Variants in ATP2B1 observed in about 807,000 individuals in gnomAD.
The protein encoded by ATP2B1 is ATPase plasma membrane Ca2+ transporting 1, also known as plasma membrane calcium-transporting ATPase 1.
Under a neutral mutation model 124.2 loss-of-function variants are expected in ATP2B1, and 14 were observed. The observed-to-expected ratio is 0.11, with a 90% confidence interval of 0.07 to 0.18. The LOEUF (loss-of-function observed/expected upper bound fraction) is 0.18, where lower values mean the gene tolerates loss of function less well. ATP2B1 is among the 10% of genes least tolerant of loss of function. The pLI, the probability that ATP2B1 is intolerant of heterozygous loss-of-function variation, is 1.00. For missense variants in ATP2B1, 763 were observed against 1,466.1 expected (o/e 0.52, Z 7.83); for synonymous variants, 449 against 492.4 (o/e 0.91, Z 1.17).
intron 20 of ATP2B1, among the ~76,000 whole-genome samples, chr12:89,592,344 T>C (rs1441985595): frequency 6.6e-6 from 1 of 152,118 alleles, no homozygotes; most frequent in Non-Finnish European, 1.5e-5. Context: ...TTACTCATTG[T>C]TAAGAGAAAT....
At chr12:89,655,607 C>T in intron 2 of ATP2B1, 72 bp downstream of exon 2, 1 of 1,388,412 alleles carries the variant, frequency 7.2e-7, no homozygotes, top group Non-Finnish European at 1.0e-6. Flanking sequence ...ATAATATAAG[C>T]ATGCTCATTT....
At chr12:89,700,460 A>G (rs1394460790) in intron 1 of ATP2B1, among the ~76,000 whole-genome samples, 1 of 152,220 alleles carries the variant, frequency 6.6e-6, no homozygotes, top group Admixed American at 6.5e-5. Flanking sequence ...GAGTAGTTAT[A>G]GCACTTACTT....
intron 1 of ATP2B1, among the ~76,000 whole-genome samples, chr12:89,658,687 G>C (rs1886315054): frequency 6.7e-6 from 1 of 148,742 alleles, no homozygotes; most frequent in Non-Finnish European, 1.5e-5. Context: ...GACATCAATT[G>C]AGCCCCTGGG....
intron 1 of ATP2B1, among the ~76,000 whole-genome samples, chr12:89,657,797 G>A (rs939372134): frequency 6.6e-6 from 1 of 152,186 alleles, no homozygotes; most frequent in South Asian, 2.1e-4. Flanking sequence ...TGACTGAACT[G>A]GAGAATGGGC....
chr12:89,606,200 G>A (rs1179704813), intron 15 of ATP2B1, among the ~76,000 whole-genome samples: 7 of 152,216 alleles, frequency 4.6e-5, no homozygotes, highest in East Asian at 3.9e-4. Flanking sequence ...AGGTATATGC[G>A]GTGAATGTGG....
chr12:89,607,837 C>T (rs951453305), intron 15 of ATP2B1, among the ~76,000 whole-genome samples: 2 of 151,892 alleles, frequency 1.3e-5, no homozygotes, highest in African/African-American at 2.4e-5. Context: ...TTTTTTGTCC[C>T]GAATATTTGC....
At chr12:89,619,579 C>G (rs1879606775) in intron 11 of ATP2B1, among the ~76,000 whole-genome samples, 1 of 149,484 alleles carries the variant, frequency 6.7e-6, no homozygotes, top group African/African-American at 2.5e-5. Flanking sequence ...CCACTGCACT[C>G]CAGCCTGGGT....
intron 1 of ATP2B1, among the ~76,000 whole-genome samples, chr12:89,688,391 C>G (rs1173828668): frequency 1.3e-5 from 2 of 152,084 alleles, no homozygotes; most frequent in African/African-American, 4.8e-5. Flanking sequence ...TTATAAACTG[C>G]TGAATAGGGG....
At chr12:89,679,307 C>A (rs1889057974) in intron 1 of ATP2B1, among the ~76,000 whole-genome samples, 1 of 152,038 alleles carries the variant, frequency 6.6e-6, no homozygotes, top group Non-Finnish European at 1.5e-5. Context: ...AATATCTGAC[C>A]CTTTACAAAA....
At chr12:89,639,541 A>G (rs1336499665) in intron 3 of ATP2B1, among the ~76,000 whole-genome samples, 2 of 150,184 alleles carry the variant, frequency 1.3e-5, no homozygotes, top group Non-Finnish European at 3.0e-5. Flanking sequence ...TTTTATATAT[A>G]TATCTGTCTC....
chr12:89,667,369 CT>C (rs1457271605), intron 1 of ATP2B1, among the ~76,000 whole-genome samples: 2 of 152,158 alleles, frequency 1.3e-5, no homozygotes, highest in Admixed American at 6.5e-5. Flanking sequence ...CATTTACCCC[CT>C]TTTAAAATCT....
chr12:89,680,759 A>G (rs1889240490), intron 1 of ATP2B1, among the ~76,000 whole-genome samples: 2 of 152,270 alleles, frequency 1.3e-5, no homozygotes, highest in African/African-American at 2.4e-5. Flanking sequence ...GGAAAACTGG[A>G]CCTAGAACAA....
chr12:89,609,396 A>C (rs1000278566), intron 15 of ATP2B1, among the ~76,000 whole-genome samples: 1 of 152,246 alleles, frequency 6.6e-6, no homozygotes, highest in Non-Finnish European at 1.5e-5. Flanking sequence ...AATTGTGATT[A>C]TGAACCAGTA....
intron 1 of ATP2B1, among the ~76,000 whole-genome samples, chr12:89,687,376 A>G (rs1454272964): frequency 2.6e-5 from 4 of 152,166 alleles, no homozygotes; most frequent in African/African-American, 7.2e-5. Context: ...GCAGTAGGCT[A>G]TACCATCTAG....
Position 89,603,144 on chromosome 12 carries a change from C to T in ATP2B1, c.2959G>A (p.Glu987Lys), listed in dbSNP as rs1876205424. The T allele has an allele frequency of 1.9e-6, 3 of 1,613,732 alleles. No individual in the cohort carries two copies. The highest frequency in any genetic ancestry group is 1.7e-6 in the Non-Finnish European group (2 of 1,179,904). Residue 987 changes from glutamate (E) to lysine (K), a missense_variant, in exon 18 of 21, where the codon GAA (glutamate) becomes AAA (lysine). By Grantham distance (56) the Glu-to-Lys change is moderately conservative (BLOSUM62 1). Coordinates refer to ENST00000428670, the MANE Select transcript of ATP2B1 (RefSeq NM_001366521.1). This position sits in a 1 kb window ranked among gnomAD's most constrained non-coding sequence, Gnocchi z 4.3. ...CCATGAATTTTCCGGGCATTTATTT[C>T]GTTGAAAAGTTGCATCAGCACAAAG... ...NTFVLMQLFNEINARKIHGER... is the reference protein window; with the variant it reads ...NTFVLMQLFNKINARKIHGER...
At chr12:89,671,788 T>TTA (rs55679415) in intron 1 of ATP2B1, among the ~76,000 whole-genome samples, 2,624 of 150,910 alleles carry the variant, frequency 0.017, 36 homozygotes, top group Non-Finnish European at 0.027. Flanking sequence ...TTTTTTTTTT[T>TTA]ACTGTAAATT....
rs945427092 is a variant in ATP2B1, at chr12:89,597,171, G to C, written c.3351+1946C>G. Among the ~76,000 whole-genome samples, 5 of 152,142 alleles carry C rather than the reference G, an allele frequency of 3.3e-5. No individual in the cohort carries two copies. In the South Asian group the frequency reaches 6.2e-4, roughly 19 times the overall value. ...GTGGAACATTTACCATCTAGGGCTA[G>C]GTGGTAAGGAGCACCAGAGAGAGAG... On this transcript the variant is annotated intron_variant, in intron 20 of 20. Coordinates refer to ENST00000428670, the MANE Select transcript of ATP2B1 (RefSeq NM_001366521.1).
In ATP2B1 at chr12:89,634,761, A is replaced by G. The variant is rs186577683; in HGVS notation, c.787+17T>C. 1 of 1,569,032 alleles carries G rather than the reference A, an allele frequency of 6.4e-7. No homozygotes were observed. The highest frequency in any genetic ancestry group is 2.2e-5 in the East Asian group (1 of 44,524). On this transcript the variant is annotated intron_variant, in intron 5 of 20. Transcript: ENST00000428670. ...GCGAAAGAGGAAAGTGTTCAAAGAT[A>G]TAAATGAAATTTTTACCTGATAGAA... is the stretch of plus-strand genomic sequence containing the variant.
At chr12:89,697,862 C>T (rs1299346920) in intron 1 of ATP2B1, among the ~76,000 whole-genome samples, 2 of 151,974 alleles carry the variant, frequency 1.3e-5, no homozygotes, top group East Asian at 1.9e-4. Context: ...TTTTCAGTTA[C>T]AGGCTTCATA....
Sources: gnomAD v4.1 joint callset for allele counts (sites outside exome capture counted in the v4.1 genomes callset) on GRCh38, gnomAD v4.1.1 for gene constraint, Gnocchi (gnomAD v3.1) non-coding constraint, MANE v1.5 for transcripts, NCBI Gene and HGNC (gene_info 2026-07-23, HGNC 2026-07-21) for gene names.